The following GPHN variants were observed in gnomAD, a reference collection of about 807,000 sequenced individuals.
The protein encoded by GPHN is gephyrin.
In GPHN, 17 loss-of-function variants were observed where a neutral mutation model predicts 95.5. The observed-to-expected ratio is 0.18, with a 90% CI of 0.12 to 0.27. The LOEUF is 0.27. GPHN is among the 10% of genes least tolerant of loss of function. The pLI is 1.00. For synonymous variants in GPHN, 320 were observed against 322.5 expected (o/e 0.99, Z 0.08); for missense variants, 660 against 978.1 (o/e 0.67, Z 4.34).
the GPHN span, among the ~76,000 whole-genome samples, chr14:67,314,023 C>A: frequency 6.6e-6 from 1 of 151,456 alleles, no homozygotes; most frequent in African/African-American, 2.4e-5. Context: ...CTGAATTAGA[C>A]CTTTCAATGC....
chr14:67,676,188 T>A, the GPHN span, among the ~76,000 whole-genome samples: 1 of 152,228 alleles, frequency 6.6e-6, no homozygotes, highest in Admixed American at 6.5e-5. Flanking sequence ...AATTTTAAAC[T>A]GCCTACAAAT....
chr14:67,005,088 CTT>C (rs879932712), intron 9 of GPHN, among the ~76,000 whole-genome samples: 7 of 139,142 alleles, frequency 5.0e-5, no homozygotes, highest in Admixed American at 7.2e-5. Flanking sequence ...GGAATTTGGT[CTT>C]TTTTTTTTTT....
At chr14:66,822,539 TTTTTAAC>T (rs1473527760) in intron 3 of GPHN, among the ~76,000 whole-genome samples, 2 of 152,198 alleles carry the variant, frequency 1.3e-5, no homozygotes, top group Non-Finnish European at 2.9e-5. Flanking sequence ...GTTCCTCTTA[TTTTTAAC>T]TTTTAACACT....
the GPHN span, among the ~76,000 whole-genome samples, chr14:67,257,987 G>A: frequency 6.6e-6 from 1 of 151,980 alleles, no homozygotes; most frequent in South Asian, 2.1e-4. Flanking sequence ...TACTTCATTC[G>A]ATTGTCATTG....
At chr14:66,617,708 T>G (rs2063110504) in intron 1 of GPHN, among the ~76,000 whole-genome samples, 1 of 152,004 alleles carries the variant, frequency 6.6e-6, no homozygotes, top group Non-Finnish European at 1.5e-5. Flanking sequence ...TCGCTGAGAG[T>G]TTTTTTTCAT....
chr14:66,736,402 CT>C (rs33964494), intron 2 of GPHN, among the ~76,000 whole-genome samples: 35,958 of 128,630 alleles, frequency 0.28, 6,528 homozygotes, highest in African/African-American at 0.56. Context: ...TTTTTTTTTT[CT>C]TTTTTTTTTT....
chr14:67,164,431 A>G (rs113108226), intron 19 of GPHN, among the ~76,000 whole-genome samples: 81 of 152,310 alleles, frequency 5.3e-4, no homozygotes, highest in African/African-American at 1.7e-3. Flanking sequence ...ATTGAAAGAA[A>G]AAGGTTAAAA....
chr14:66,942,040 T>C (rs2067458202), intron 8 of GPHN, among the ~76,000 whole-genome samples: 1 of 152,194 alleles, frequency 6.6e-6, no homozygotes, highest in Non-Finnish European at 1.5e-5. Context: ...AGACAGAGTT[T>C]TGCTCTTCTC....
At chr14:66,885,441 G>A (rs1007623464) in intron 5 of GPHN, among the ~76,000 whole-genome samples, 1 of 152,140 alleles carries the variant, frequency 6.6e-6, no homozygotes, top group Non-Finnish European at 1.5e-5. Context: ...GCTCCAGCTA[G>A]CAGGTACTAG....
chr14:67,516,822 T>C, the GPHN span, among the ~76,000 whole-genome samples: 2 of 152,140 alleles, frequency 1.3e-5, no homozygotes, highest in Admixed American at 6.5e-5. Flanking sequence ...TGGGTTCTGA[T>C]TGGGGCAGAG....
At chr14:66,884,119 C>G (rs924644611) in intron 5 of GPHN, among the ~76,000 whole-genome samples, 1 of 152,038 alleles carries the variant, frequency 6.6e-6, no homozygotes, top group African/African-American at 2.4e-5. Context: ...ATTCCTCTTA[C>G]CTTAGTTCTT....
intron 3 of GPHN, among the ~76,000 whole-genome samples, chr14:66,803,406 GT>G (rs2060428498): frequency 6.6e-6 from 1 of 152,180 alleles, no homozygotes; most frequent in Non-Finnish European, 1.5e-5. Flanking sequence ...CTGAGTTTGA[GT>G]TTTACGAAGG....
At chr14:66,683,050 A>G (rs998623598) in intron 2 of GPHN, among the ~76,000 whole-genome samples, 1 of 151,712 alleles carries the variant, frequency 6.6e-6, no homozygotes, top group Non-Finnish European at 1.5e-5. Context: ...TTGGAAGGAC[A>G]AAATAATTCT....
In GPHN at chr14:67,143,345, T is replaced by C. The variant is rs2080608771; in HGVS notation, c.1749-17T>C. The C allele has an allele frequency of 2.3e-5, 36 of 1,539,578 alleles. No individual in the cohort carries two copies. The highest frequency in any genetic ancestry group is 3.2e-5 in the Non-Finnish European group (36 of 1,112,054). ...TTTTCCTTGTGTGTTAATTTCTTTG[T>C]CTTTATTTTTTTCCAGCCCAGATGA... On this transcript the variant is annotated splice_polypyrimidine_tract_variant and intron_variant, in intron 17 of 22. Coordinates refer to ENST00000478722, the MANE Select transcript of GPHN (RefSeq NM_020806.5).
the GPHN span, among the ~76,000 whole-genome samples, chr14:67,377,689 C>T: frequency 6.6e-6 from 1 of 152,162 alleles, no homozygotes; most frequent in Admixed American, 6.6e-5. Context: ...GGTCACCTTT[C>T]CCTTTATTGC....
chr14:67,727,199 G>A, the GPHN span: 1 of 1,605,534 alleles, frequency 6.2e-7, no homozygotes, highest in Non-Finnish European at 8.5e-7. Context: ...AGGTAAGTCT[G>A]GAGAAAGAGG....
chr14:66,543,556 A>G (rs2059427495), intron 1 of GPHN, among the ~76,000 whole-genome samples: 1 of 152,204 alleles, frequency 6.6e-6, no homozygotes, highest in Non-Finnish European at 1.5e-5. Flanking sequence ...CTATGTCTGT[A>G]TCTACTTGAC....
At chr14:67,111,128 C>G (rs1347940319) in intron 14 of GPHN, among the ~76,000 whole-genome samples, 2 of 152,230 alleles carry the variant, frequency 1.3e-5, no homozygotes, top group Non-Finnish European at 2.9e-5. Context: ...CAGACACTTT[C>G]CCTGATCTGG....
intron 2 of GPHN, among the ~76,000 whole-genome samples, chr14:66,696,373 G>A (rs1259147114): frequency 1.3e-5 from 2 of 152,200 alleles, no homozygotes; most frequent in Admixed American, 1.3e-4. Context: ...GAAAGATGGA[G>A]TAAATGTACT....
Sources: allele counts gnomAD v4.1 joint callset (sites outside exome capture counted in the v4.1 genomes callset), GRCh38; gene constraint gnomAD v4.1.1; transcripts MANE v1.5; gene names NCBI Gene and HGNC (gene_info 2026-07-23, HGNC 2026-07-21).